The following ZNF570 variants were observed in gnomAD, a reference collection of about 807,000 sequenced individuals.
The protein encoded by ZNF570 is zinc finger protein 570.
Under a neutral mutation model 14.2 loss-of-function variants are expected in ZNF570, and 8 were observed. That is an observed-to-expected ratio of 0.56 (90% CI 0.33 to 1.02). ZNF570 has a LOEUF of 1.02. Ranked by LOEUF, ZNF570 falls within the 50% of genes least tolerant of loss-of-function variation. The probability of loss-of-function intolerance (pLI) is 0.03; values close to 1 mark genes in which losing one functional copy is unlikely to be tolerated. For synonymous variants in ZNF570, 202 were observed against 207.6 expected (o/e 0.97, Z 0.23); for missense variants, 559 against 624.9 (o/e 0.89, Z 1.12).
chr19:37,484,499 C>G lies in ZNF570; in HGVS notation c.877C>G (p.Leu293Val). 1 of 1,613,918 alleles carries G rather than the reference C, an allele frequency of 6.2e-7. No individual in the cohort carries two copies. Among genetic ancestry groups the G allele is most frequent in the Non-Finnish European group, 8.5e-7 (1 of 1,179,920 alleles). ...TCAGAATGCACACCTAGTTCAACAT[C>G]TGCGAGTTCATACTGGAGAAAAACC... ...FSQNAHLVQH[L>V]RVHTGEKPYE... Residue 293 changes from leucine (L) to valine (V), a missense_variant, in exon 5 of 5, where the codon CTG becomes GTG. Leu to Val is a conservative substitution (Grantham distance 32). Transcript: ENST00000330173.
chr19:37,484,885 A>G lies in ZNF570; in HGVS notation c.1263A>G (p.Lys421=), dbSNP rs1475407205. 4.3e-6 allele frequency: 7 copies of G among 1,613,846 alleles called. No homozygotes were observed. The highest frequency in any genetic ancestry group is 1.3e-5 in the African/African-American group (1 of 74,830). The part of the protein sequence containing the change: ...EKPYKCQECR[K]AFSQIAYLAQ... Reference sequence around the variant, plus strand: ...CTTATAAGTGTCAGGAATGTAGGAAAGCATTCAGCCAGATTGCCTACCTTG... The same window carrying G: ...CTTATAAGTGTCAGGAATGTAGGAAGGCATTCAGCCAGATTGCCTACCTTG... Residue 421 remains lysine (K), a synonymous_variant, in exon 5 of 5, where the codon AAA becomes AAG. Transcript: ENST00000330173.
upstream of ZNF570, chr19:37,468,892 A>AT (rs1264526196): frequency 7.1e-6 from 2 of 279,948 alleles, no homozygotes; most frequent in Non-Finnish European, 1.1e-5. Flanking sequence ...TCCCCTCCCA[A>AT]TTTTTTTCGG....
chr19:37,474,120 A>G (rs2147007090), intron 2 of ZNF570, among the ~76,000 whole-genome samples: 1 of 152,228 alleles, frequency 6.6e-6, no homozygotes, highest in South Asian at 2.1e-4. Context: ...AAAAGTGGGA[A>G]CTGTAGTTTT....
chr19:37,469,711 G>A, intron 1 of ZNF570, 154 bp downstream of exon 1: 1 of 787,536 alleles, frequency 1.3e-6, no homozygotes, highest in Non-Finnish European at 2.0e-6. Context: ...GCCGATACCC[G>A]CGGCTTCTTT....
Position 37,475,243 on chromosome 19 carries a change from C to T in ZNF570, c.34-638C>T, listed in dbSNP as rs111585550. Among the ~76,000 whole-genome samples, 1,013 of 152,252 alleles carry T rather than the reference C, an allele frequency of 6.7e-3. 12 individuals carry two copies. The highest frequency in any genetic ancestry group is 0.023 in the African/African-American group (942 of 41,548). ...CCTCCCAAAGTGCTGGGATTACAGG[C>T]GTGAGCCCAGCTCAGTGTCAAGTTT... On this transcript the variant is annotated intron_variant, in intron 2 of 4. Transcript: ENST00000330173.
chr19:37,483,953 A>T lies in ZNF570; in HGVS notation c.331A>T (p.Ile111Leu). Residue 111 changes from isoleucine (I) to leucine (L), a missense_variant, in exon 5 of 5, where the codon ATA becomes TTA. Physicochemically the swap from Ile to Leu is conservative, Grantham distance 5. Transcript: ENST00000330173. ...TTATGAAGAACATCAATCCCAGAAG[A>T]TAATAGAAACACTTACAAGCTATAA... Reference protein sequence around the residue: ...DFYEEHQSQKIIETLTSYNLE... With the variant: ...DFYEEHQSQKLIETLTSYNLE... 6.2e-7 allele frequency: 1 copy of T among 1,613,880 alleles called. No individual in the cohort carries two copies. Among genetic ancestry groups the T allele is most frequent in the Non-Finnish European group, 8.5e-7 (1 of 1,179,994 alleles).
chr19:37,477,672 CCTTT>C (rs1477539581), intron 4 of ZNF570, among the ~76,000 whole-genome samples: 1 of 151,996 alleles, frequency 6.6e-6, no homozygotes, highest in Non-Finnish European at 1.5e-5. Context: ...CTTTAAGAAA[CCTTT>C]CTATGTTCTG....
In ZNF570 at chr19:37,483,943, A is replaced by G. The variant is rs1568771180; in HGVS notation, c.321A>G (p.Gln107=). The G allele has an allele frequency of 1.2e-6, 2 of 1,613,734 alleles. No homozygotes were observed. Among genetic ancestry groups the G allele is most frequent in the Non-Finnish European group, 1.7e-6 (2 of 1,179,960 alleles). ...AGCAGGATTTTTATGAAGAACATCA[A>G]TCCCAGAAGATAATAGAAACACTTA... ...TPKQDFYEEH[Q]SQKIIETLTS... Residue 107 remains glutamine (Q), a synonymous_variant, in exon 5 of 5, where the codon CAA becomes CAG. Transcript: ENST00000330173.
rs2042167990 is a variant in ZNF570 at position 37,487,420 on chromosome 19, A to C, written c.*2187A>C. 1 of 152,166 alleles carries C rather than the reference A, an allele frequency of 6.6e-6. No individual in the cohort carries two copies. Among genetic ancestry groups the C allele is most frequent in the African/African-American group, 2.4e-5 (1 of 41,434 alleles). The allele number at this position is 152,166 out of a possible 1,614,324, so 9.4% of individuals were successfully genotyped here. On this transcript the variant is annotated 3_prime_UTR_variant, in exon 5 of 5. Coordinates refer to ENST00000330173, the MANE Select transcript of ZNF570 (RefSeq NM_144694.5). ...ATAGGCATTCATTCTGTTAATATTG[A>C]GTAATTACTGTTTGTCAGACACTGT...
Position 37,484,650 on chromosome 19 carries a change from C to T in ZNF570, c.1028C>T (p.Ser343Leu), listed in dbSNP as rs1315766177. 6.2e-7 allele frequency: 1 copy of T among 1,613,886 alleles called. No homozygotes were observed. The highest frequency in any genetic ancestry group is 1.1e-5 in the South Asian group (1 of 91,060). Residue 343 changes from serine (S) to leucine (L), a missense_variant, in exon 5 of 5, where the codon TCA (serine) becomes TTA (leucine). Transcript: ENST00000330173. ...IECGKAFSNR[S>L]SIAQHQRVHT... ...TGTGGGAAAGCATTTAGCAACAGAT[C>T]ATCCATTGCTCAACACCAGAGAGTT...
chr19:37,471,560 A>G (rs1282496387), intron 2 of ZNF570, among the ~76,000 whole-genome samples: 1 of 152,192 alleles, frequency 6.6e-6, no homozygotes, highest in African/African-American at 2.4e-5. Flanking sequence ...AATACCATGT[A>G]TATGCCAACA....
At chr19:37,472,537 T>G (rs1001988769) in intron 2 of ZNF570, among the ~76,000 whole-genome samples, 2 of 151,900 alleles carry the variant, frequency 1.3e-5, no homozygotes, top group East Asian at 1.9e-4. Context: ...GGTCGGGAGT[T>G]CGAGACCAGT....
At chr19:37,481,486 A>G (rs2042088069) in intron 4 of ZNF570, among the ~76,000 whole-genome samples, 1 of 152,192 alleles carries the variant, frequency 6.6e-6, no homozygotes, top group African/African-American at 2.4e-5. Context: ...TAAAGATACC[A>G]TTCCATGCTT....
At position 37,485,354 on chromosome 19, in the gene ZNF570, A is replaced by G; in HGVS notation, c.*121A>G. On this transcript the variant is annotated 3_prime_UTR_variant, in exon 5 of 5. Coordinates refer to ENST00000330173, the MANE Select transcript of ZNF570 (RefSeq NM_144694.5). ...CTTTCAAACAGGTTTTCCTGTATTT[A>G]TTTTTGCTACCTTTAAATCCATTTC... 9.8e-7 allele frequency: 1 copy of G among 1,022,850 alleles called. No individual in the cohort carries two copies. Among genetic ancestry groups the G allele is most frequent in the African/African-American group, 1.6e-5 (1 of 60,816 alleles). The allele number at this position is 1,022,850 out of a possible 1,614,324, so 63.4% of individuals were successfully genotyped here.
In ZNF570 at chr19:37,488,122, C is replaced by G. The variant is rs983891565; in HGVS notation, c.*2889C>G. 1 of 152,182 alleles carries G rather than the reference C, an allele frequency of 6.6e-6. No homozygotes were observed. The highest frequency in any genetic ancestry group is 1.5e-5 in the Non-Finnish European group (1 of 68,030). 9.4% of individuals were successfully genotyped at this position (152,182 alleles called of 1,614,324 possible). On this transcript the variant is annotated 3_prime_UTR_variant, in exon 5 of 5. Transcript: ENST00000330173. ...CCATGTTTAAACCTCTACATAGTCT[C>G]TCCTCGTGTTTCAAGGAGATACATA...
At chr19:37,469,639 C>A in intron 1 of ZNF570, 82 bp downstream of exon 1, 1 of 1,373,366 alleles carries the variant, frequency 7.3e-7, no homozygotes. Context: ...GTCAATGGCA[C>A]CGTGGAATGT....
At position 37,484,975 on chromosome 19, in the gene ZNF570, T is replaced by G. The variant is rs1230359191; in HGVS notation, c.1353T>G (p.Phe451Leu). The G allele has an allele frequency of 6.2e-7, 1 of 1,614,064 alleles. No homozygotes were observed. Among genetic ancestry groups the G allele is most frequent in the Admixed American group, 1.7e-5 (1 of 60,016 alleles). ...PYECIECGKAFSNDSSLTQHQ... is the reference protein window; with the variant it reads ...PYECIECGKALSNDSSLTQHQ... Reference sequence around the variant, plus strand: ...AATGTATTGAATGTGGGAAGGCTTTTAGCAATGACTCGTCCCTTACTCAAC... The same window carrying G: ...AATGTATTGAATGTGGGAAGGCTTTGAGCAATGACTCGTCCCTTACTCAAC... Residue 451 changes from phenylalanine (F) to leucine (L), a missense_variant, in exon 5 of 5, where the codon TTT becomes TTG. Coordinates refer to ENST00000330173, the MANE Select transcript of ZNF570 (RefSeq NM_144694.5).
intron 4 of ZNF570, among the ~76,000 whole-genome samples, chr19:37,482,143 C>T (rs980682537): frequency 1.3e-5 from 2 of 152,098 alleles, no homozygotes; most frequent in East Asian, 1.9e-4. Flanking sequence ...ATCTATTGTA[C>T]GTATATACCA....
intron 4 of ZNF570, among the ~76,000 whole-genome samples, chr19:37,478,547 G>GGTTCTCAA (rs1423194414): frequency 3.4e-5 from 5 of 145,662 alleles, no homozygotes; most frequent in Admixed American, 1.4e-4. Context: ...TTATTTTTCT[G>GGTTCTCAA]TTGCCTTTGT....
Sources: gnomAD v4.1 joint callset for allele counts (sites outside exome capture counted in the v4.1 genomes callset) on GRCh38, gnomAD v4.1.1 for gene constraint, MANE v1.5 for transcripts, NCBI Gene and HGNC (gene_info 2026-07-23, HGNC 2026-07-21) for gene names.